GOLGA4: variants seen among roughly 807,000 people sequenced by gnomAD.
GOLGA4 encodes the protein golgin subfamily A member 4.
A neutral mutation model predicts 265.9 loss-of-function variants in GOLGA4; 169 were observed. That is an observed-to-expected ratio of 0.64 (90% CI 0.56 to 0.72). The LOEUF is 0.72. Ranked by LOEUF, GOLGA4 falls within the 30% of genes least tolerant of loss-of-function variation. GOLGA4 has a pLI of 0.00. For missense variants in GOLGA4, 2,482 were observed against 2,483.4 expected, an observed-to-expected ratio of 1.00 and a Z score of 0.01; for synonymous variants, 923 against 855.8, an observed-to-expected ratio of 1.08 and a Z score of -1.37.
rs1178096934 is a variant in GOLGA4, at chr3:37,276,120, A to G, written c.163-5838A>G. On this transcript the variant is annotated intron_variant, in intron 2 of 23. Transcript: ENST00000361924. ...AGCACTTCTGATTCTGTGCAGTTGA[A>G]GTGTAGGGAGATGCTTGCTGCAGCT... 3 of 1,610,130 alleles carry G rather than the reference A, an allele frequency of 1.9e-6. No individual in the cohort carries two copies. In the African/African-American group the frequency reaches 4.0e-5, roughly 22 times the overall value.
rs774662455 is a variant in GOLGA4 at position 37,324,992 on chromosome 3, C to G, written c.3106C>G (p.His1036Asp). The G allele has an allele frequency of 6.2e-7, 1 of 1,613,166 alleles. No homozygotes were observed. Among genetic ancestry groups the G allele is most frequent in the East Asian group, 2.2e-5 (1 of 44,858 alleles). The change falls in exon 14 of 24, where the codon CAT becomes GAT. Residue 1036 changes from histidine (H) to aspartate (D), a missense_variant. Coordinates refer to ENST00000361924, the MANE Select transcript of GOLGA4 (RefSeq NM_002078.5). ...KEQIESLTEV[H>D]RRELNDVISI... ...ACAAATAGAAAGTCTTACTGAGGTTCATCGACGAGAACTCAATGATGTCAT... is the reference window on the plus strand; with the variant it reads ...ACAAATAGAAAGTCTTACTGAGGTTGATCGACGAGAACTCAATGATGTCAT...
intron 2 of GOLGA4, chr3:37,276,448 G>C: frequency 5.0e-6 from 8 of 1,610,764 alleles, no homozygotes; most frequent in Non-Finnish European, 6.8e-6. Flanking sequence ...AGATGGCCAA[G>C]ACTGGTGGGA....
intron 2 of GOLGA4, among the ~76,000 whole-genome samples, chr3:37,278,120 A>T (rs2096824331): frequency 6.6e-6 from 1 of 152,014 alleles, no homozygotes; most frequent in Non-Finnish European, 1.5e-5. Flanking sequence ...TAAAATTTGT[A>T]ATTCAATAAA....
chr3:37,254,127 G>T (rs1397643722), intron 2 of GOLGA4, among the ~76,000 whole-genome samples: 1 of 152,016 alleles, frequency 6.6e-6, no homozygotes, highest in Admixed American at 6.6e-5. Flanking sequence ...ACTGAGTATA[G>T]AAATGATGCC....
intron 22 of GOLGA4, among the ~76,000 whole-genome samples, chr3:37,357,010 G>GA (rs757885337): frequency 9.9e-5 from 15 of 151,942 alleles, no homozygotes; most frequent in Admixed American, 3.9e-4. Flanking sequence ...TTGCTTTGAT[G>GA]AAAAACAAAT....
chr3:37,327,226 A>G lies in GOLGA4; in HGVS notation c.5340A>G (p.Leu1780=), dbSNP rs914337743. Residue 1780 remains leucine (L), a synonymous_variant, in exon 14 of 24, where the codon CTA becomes CTG. Transcript: ENST00000361924. ...AATACCAGGAGCGCTTAATAAAGCT[A>G]GAACATGCTGAGGCAAAGCAACATG... ...RCQYQERLIK[L]EHAEAKQHED... 11 of 1,613,976 alleles carry G rather than the reference A, an allele frequency of 6.8e-6. No homozygotes were observed. In the Middle Eastern group the frequency reaches 4.9e-4, roughly 73 times the overall value.
intron 21 of GOLGA4, among the ~76,000 whole-genome samples, chr3:37,350,971 C>T (rs1188546076): frequency 6.6e-6 from 1 of 152,034 alleles, no homozygotes; most frequent in Non-Finnish European, 1.5e-5. Context: ...GTTGGGGTGT[C>T]TGTGGCATTT....
chr3:37,351,745 G>A (rs910888961), intron 21 of GOLGA4, among the ~76,000 whole-genome samples: 3 of 152,216 alleles, frequency 2.0e-5, no homozygotes, highest in Admixed American at 2.0e-4. Flanking sequence ...TTTCTGAGCA[G>A]TAGGTCTCAA....
At chr3:37,266,840 A>G (rs1397950280) in intron 2 of GOLGA4, 4 of 1,255,054 alleles carry the variant, frequency 3.2e-6, no homozygotes, top group Non-Finnish European at 4.2e-6. Flanking sequence ...TGAATGAGAC[A>G]GCTACTAGCC....
chr3:37,279,151 GA>G (rs1559374962), intron 2 of GOLGA4, among the ~76,000 whole-genome samples: 2 of 152,286 alleles, frequency 1.3e-5, no homozygotes, highest in East Asian at 1.9e-4. Flanking sequence ...GCACATCCTA[GA>G]GTTCTTAAAA....
At chr3:37,247,827 G>A (rs530671241) in intron 1 of GOLGA4, among the ~76,000 whole-genome samples, 12 of 152,188 alleles carry the variant, frequency 7.9e-5, no homozygotes, top group African/African-American at 2.7e-4. Flanking sequence ...GACCACTTTC[G>A]GCTTAGAGGC....
At chr3:37,318,504 GAAAT>G in intron 11 of GOLGA4, among the ~76,000 whole-genome samples, 1 of 151,812 alleles carries the variant, frequency 6.6e-6, no homozygotes, top group East Asian at 1.9e-4. Flanking sequence ...CTTATTTTTT[GAAAT>G]AGTGTTGGTT....
Position 37,328,993 on chromosome 3 carries a change from T to C in GOLGA4, c.6092T>C (p.Leu2031Ser), listed in dbSNP as rs2096981345. 3.7e-6 allele frequency: 6 copies of C among 1,608,276 alleles called. No individual in the cohort carries two copies. Among genetic ancestry groups the C allele is most frequent in the Admixed American group, 1.7e-5 (1 of 58,966 alleles). The change falls in exon 16 of 24, where the codon TTA becomes TCA. Residue 2031 changes from leucine to serine, a missense_variant. Transcript: ENST00000361924. ...GCCCAGGAGGTGGAGGCTGAACTTT[T>C]AGAAAGCCATCAAGAAGAGACAAAT... is the stretch of plus-strand genomic sequence containing the variant. The part of the protein sequence containing the change: ...NKAQEVEAEL[L>S]ESHQEETNQL...
intron 10 of GOLGA4, among the ~76,000 whole-genome samples, chr3:37,308,660 G>C (rs186036284): frequency 3.3e-5 from 5 of 151,696 alleles, no homozygotes; most frequent in Non-Finnish European, 7.4e-5. Flanking sequence ...CTGTCGCCCA[G>C]GCTGGAGTGC....
chr3:37,341,686 T>C (rs780150240), intron 20 of GOLGA4: 5 of 152,224 alleles, frequency 3.3e-5, no homozygotes, highest in Non-Finnish European at 5.9e-5. Context: ...CCCAATCTCA[T>C]CTGATCTCAG....
At chr3:37,243,685 A>AT in intron 1 of GOLGA4, 63 bp downstream of exon 1, 2 of 1,366,886 alleles carry the variant, frequency 1.5e-6, no homozygotes, top group Non-Finnish European at 2.1e-6. Flanking sequence ...CCGCGGACGA[A>AT]AGAGGCGGGG....
chr3:37,307,239 G>T (rs1361014203), intron 10 of GOLGA4, among the ~76,000 whole-genome samples: 1 of 152,110 alleles, frequency 6.6e-6, no homozygotes, highest in Non-Finnish European at 1.5e-5. Context: ...TGTTGTGTTT[G>T]TGCAGGAAAT....
chr3:37,260,826 A>G (rs1009118033), intron 2 of GOLGA4, among the ~76,000 whole-genome samples: 3 of 152,098 alleles, frequency 2.0e-5, no homozygotes, highest in Non-Finnish European at 4.4e-5. Flanking sequence ...ACTGAAATAA[A>G]TAATAATAGT....
intron 5 of GOLGA4, among the ~76,000 whole-genome samples, chr3:37,290,777 C>T (rs559764961): frequency 1.6e-3 from 245 of 152,166 alleles, no homozygotes; most frequent in African/African-American, 5.8e-3. Flanking sequence ...GGGGATTAGG[C>T]GTATGCAACA....
Sources: allele counts gnomAD v4.1 joint callset (sites outside exome capture counted in the v4.1 genomes callset), GRCh38; gene constraint gnomAD v4.1.1; transcripts MANE v1.5; gene names NCBI Gene and HGNC (gene_info 2026-07-23, HGNC 2026-07-21).